LINGO2: variants seen among roughly 807,000 people sequenced by gnomAD.
LINGO2 encodes the protein leucine rich repeat and Ig domain containing 2.
LINGO2 carries 14 observed loss-of-function variants against 30.6 expected under a neutral mutation model. The observed-to-expected ratio is 0.46, with a 90% confidence interval of 0.30 to 0.72. The LOEUF (loss-of-function observed/expected upper bound fraction) is 0.72. Among genes scored for constraint, LINGO2 ranks in the 30% least tolerant of loss-of-function variants. LINGO2 has a pLI of 0.07. For missense variants in LINGO2, 729 were observed against 751.7 expected (o/e 0.97, Z 0.35); for synonymous variants, 317 against 288.5 (o/e 1.10, Z -1.00).
intron 4 of LINGO2, among the ~76,000 whole-genome samples, chr9:28,182,543 G>A (rs1205356623): frequency 1.3e-5 from 2 of 152,182 alleles, no homozygotes; most frequent in African/African-American, 4.8e-5. Flanking sequence ...CAGAATGGGA[G>A]AATATTTTTG....
the LINGO2 span, among the ~76,000 whole-genome samples, chr9:28,995,740 A>C: frequency 2.6e-5 from 4 of 152,150 alleles, no homozygotes; most frequent in South Asian, 8.3e-4. Flanking sequence ...TGAAACTGGA[A>C]ATCATCATTC....
At chr9:28,736,131 C>G in the LINGO2 span, among the ~76,000 whole-genome samples, 1 of 152,196 alleles carries the variant, frequency 6.6e-6, no homozygotes, top group Non-Finnish European at 1.5e-5. Context: ...ACTCAACAGA[C>G]TCTTGGTTCT....
chr9:29,207,618 A>C, the LINGO2 span, among the ~76,000 whole-genome samples: 1 of 152,118 alleles, frequency 6.6e-6, no homozygotes, highest in Non-Finnish European at 1.5e-5. Context: ...GTTCTATTAT[A>C]ACAACAAAAA....
At chr9:29,075,763 C>T in the LINGO2 span, among the ~76,000 whole-genome samples, 1 of 151,884 alleles carries the variant, frequency 6.6e-6, no homozygotes, top group Non-Finnish European at 1.5e-5. Flanking sequence ...TAGCAGAAAA[C>T]AAAAAAGGGA....
At chr9:28,668,451 A>AT (rs1021301152) in intron 1 of LINGO2, among the ~76,000 whole-genome samples, 9 of 151,978 alleles carry the variant, frequency 5.9e-5, no homozygotes, top group East Asian at 3.9e-4. Flanking sequence ...TATGGATTTG[A>AT]TTTTTTTTAA....
At chr9:28,023,193 C>CT (rs998279847) in intron 4 of LINGO2, among the ~76,000 whole-genome samples, 1 of 152,016 alleles carries the variant, frequency 6.6e-6, no homozygotes, top group Admixed American at 6.6e-5. Context: ...TGTCTTCAGA[C>CT]TTTTTTCTTG....
intron 4 of LINGO2, among the ~76,000 whole-genome samples, chr9:28,076,404 A>G (rs1478249295): frequency 6.6e-6 from 1 of 152,124 alleles, no homozygotes; most frequent in Non-Finnish European, 1.5e-5. Context: ...CAGTAAACAT[A>G]TCTGAAAACA....
intron 2 of LINGO2, among the ~76,000 whole-genome samples, chr9:28,469,125 C>G (rs533265287): frequency 6.6e-6 from 1 of 151,328 alleles, no homozygotes; most frequent in Non-Finnish European, 1.5e-5. Flanking sequence ...AAAAAAGAAC[C>G]AAACATAAAT....
intron 1 of LINGO2, among the ~76,000 whole-genome samples, chr9:28,508,920 G>A (rs2135351937): frequency 6.6e-6 from 1 of 152,106 alleles, no homozygotes. Flanking sequence ...TAAATTTATG[G>A]AGTGGTTGTG....
the LINGO2 span, among the ~76,000 whole-genome samples, chr9:28,922,419 A>T: frequency 1.3e-5 from 2 of 152,134 alleles, no homozygotes; most frequent in African/African-American, 4.8e-5. Flanking sequence ...AAACTTTTAG[A>T]TGATAAGTTT....
chr9:28,477,211 C>T (rs1317587887), intron 1 of LINGO2, among the ~76,000 whole-genome samples: 1 of 151,946 alleles, frequency 6.6e-6, no homozygotes, highest in East Asian at 1.9e-4. Flanking sequence ...CTTGTGTGAC[C>T]AATGATAATG....
chr9:28,801,996 C>CTA, the LINGO2 span, among the ~76,000 whole-genome samples: 9 of 151,576 alleles, frequency 5.9e-5, no homozygotes, highest in East Asian at 9.7e-4. Flanking sequence ...TCAATCTTTT[C>CTA]TATATATATA....
the LINGO2 span, among the ~76,000 whole-genome samples, chr9:28,899,469 C>G: frequency 6.6e-6 from 1 of 152,338 alleles, no homozygotes; most frequent in South Asian, 2.1e-4. Flanking sequence ...AGGCTCCAGA[C>G]TGACCACAGC....
intron 4 of LINGO2, among the ~76,000 whole-genome samples, chr9:28,145,876 A>T (rs1827799045): frequency 6.6e-6 from 1 of 152,140 alleles, no homozygotes; most frequent in South Asian, 2.1e-4. Flanking sequence ...GGATTACTTG[A>T]TCGAAATTCT....
At chr9:28,911,411 A>T in the LINGO2 span, among the ~76,000 whole-genome samples, 77,367 of 151,734 alleles carry the variant, frequency 0.51, 20,973 homozygotes, top group Non-Finnish European at 0.6. Context: ...CACTACAGGT[A>T]CATATAAAAA....
At chr9:28,576,635 T>G (rs1394297781) in intron 1 of LINGO2, among the ~76,000 whole-genome samples, 1 of 152,136 alleles carries the variant, frequency 6.6e-6, no homozygotes, top group Admixed American at 6.5e-5. Flanking sequence ...TCCCATAGTT[T>G]TTAGGATTTT....
chr9:28,644,787 A>G (rs1431093313), intron 1 of LINGO2, among the ~76,000 whole-genome samples: 3 of 152,160 alleles, frequency 2.0e-5, no homozygotes, highest in South Asian at 2.1e-4. Flanking sequence ...GTATCAAAAC[A>G]TCTCCTGCAC....
the LINGO2 span, among the ~76,000 whole-genome samples, chr9:28,986,100 T>G: frequency 2.0e-5 from 3 of 152,186 alleles, no homozygotes; most frequent in East Asian, 5.8e-4. Flanking sequence ...CCAACACCAT[T>G]TATTGAAGAG....
the LINGO2 span, among the ~76,000 whole-genome samples, chr9:29,102,495 A>G: frequency 6.6e-6 from 1 of 152,308 alleles, no homozygotes; most frequent in Non-Finnish European, 1.5e-5. Context: ...GTATTTTTTC[A>G]CTTGTCAAGA....
Sources: allele counts gnomAD v4.1 joint callset (sites outside exome capture counted in the v4.1 genomes callset), GRCh38; gene constraint gnomAD v4.1.1; transcripts MANE v1.5; gene names NCBI Gene and HGNC (gene_info 2026-07-23, HGNC 2026-07-21).